RBMS3: variants seen among roughly 807,000 people sequenced by gnomAD.
RBMS3 encodes the protein RNA binding motif single stranded interacting protein 3.
Under a neutral mutation model 66.8 loss-of-function variants are expected in RBMS3, and 27 were observed. The ratio of observed to expected loss-of-function variants is 0.40; its 90% CI spans 0.30 to 0.56. The LOEUF is 0.56. Among genes scored for constraint, RBMS3 ranks in the 20% least tolerant of loss-of-function variants. The probability of loss-of-function intolerance (pLI) is 0.40; values close to 1 mark genes in which losing one functional copy is unlikely to be tolerated. For synonymous variants in RBMS3, 188 were observed against 183.0 expected (o/e 1.03, Z -0.22); for missense variants, 513 against 549.5 (o/e 0.93, Z 0.66).
At chr3:29,622,632 G>T (rs2048907133) in intron 4 of RBMS3, among the ~76,000 whole-genome samples, 2 of 152,142 alleles carry the variant, frequency 1.3e-5, no homozygotes, top group South Asian at 4.1e-4. Context: ...TCTAGGAGAG[G>T]ACCTGAATCT....
chr3:29,884,469 T>TCTCC (rs1553692501), intron 8 of RBMS3, among the ~76,000 whole-genome samples: 28 of 66,334 alleles, frequency 4.2e-4, no homozygotes, highest in South Asian at 2.9e-3. Context: ...TCTCTCTCTC[T>TCTCC]CCCCCCCCGC....
At chr3:29,290,149 T>C (rs1471953835) in intron 1 of RBMS3, among the ~76,000 whole-genome samples, 1 of 151,900 alleles carries the variant, frequency 6.6e-6, no homozygotes, top group African/African-American at 2.4e-5. Flanking sequence ...AATTCTCATG[T>C]TGCTTCTTTT....
At position 29,875,239 on chromosome 3, in the gene RBMS3, G is replaced by C. The variant is rs189463838; in HGVS notation, c.744+6275G>C. On this transcript the variant is annotated intron_variant, in intron 7 of 14. Transcript: ENST00000383767. ...TACCCCCACTAATGTTTAAGCAACA[G>C]TTTACAACCTCCAGGTAACATCAAA... 1.4e-4 allele frequency among the ~76,000 whole-genome samples: 21 copies of C among 152,238 alleles called. 1 individual carries two copies. The highest frequency in any genetic ancestry group is 1.4e-3 in the Admixed American group (21 of 15,286).
chr3:29,286,818 CA>C (rs1014812322), intron 1 of RBMS3, among the ~76,000 whole-genome samples: 5 of 151,980 alleles, frequency 3.3e-5, no homozygotes, highest in Non-Finnish European at 7.4e-5. Context: ...ATTCTAAAAT[CA>C]AACCAAAACA....
intron 6 of RBMS3, among the ~76,000 whole-genome samples, chr3:29,847,774 G>A (rs2058822121): frequency 6.6e-6 from 1 of 152,018 alleles, no homozygotes; most frequent in African/African-American, 2.4e-5. Context: ...TCCTGCCTCA[G>A]CCTCCCAAGT....
At chr3:29,671,046 C>T (rs545804374) in intron 4 of RBMS3, among the ~76,000 whole-genome samples, 91 of 152,244 alleles carry the variant, frequency 6.0e-4, no homozygotes, top group Non-Finnish European at 9.4e-4. Context: ...CCCTCTGAGA[C>T]GAAGCTTCCA....
At chr3:29,623,433 A>G (rs961474832) in intron 4 of RBMS3, among the ~76,000 whole-genome samples, 1 of 151,754 alleles carries the variant, frequency 6.6e-6, no homozygotes, top group Non-Finnish European at 1.5e-5. Context: ...TCTACTAAAA[A>G]TACAAAAAAT....
intron 6 of RBMS3, among the ~76,000 whole-genome samples, chr3:29,862,765 A>G (rs1241491965): frequency 6.6e-6 from 1 of 151,364 alleles, no homozygotes; most frequent in African/African-American, 2.4e-5. Flanking sequence ...AATCACTTGA[A>G]CCCAGGAGGC....
chr3:29,511,999 A>T (rs774770402), intron 3 of RBMS3, among the ~76,000 whole-genome samples: 2 of 152,094 alleles, frequency 1.3e-5, no homozygotes, highest in Admixed American at 1.3e-4. Flanking sequence ...TTAAAATCTT[A>T]TGTTATGGTA....
At chr3:29,472,293 G>C (rs569628273) in intron 2 of RBMS3, among the ~76,000 whole-genome samples, 181 of 151,770 alleles carry the variant, frequency 1.2e-3, no homozygotes, top group African/African-American at 4.3e-3. Context: ...CACTTCCCCG[G>C]TTCAAGCGAT....
At chr3:29,459,417 A>T (rs2042299385) in intron 2 of RBMS3, among the ~76,000 whole-genome samples, 1 of 152,164 alleles carries the variant, frequency 6.6e-6, no homozygotes, top group Non-Finnish European at 1.5e-5. Flanking sequence ...TCATAAGCAT[A>T]TAACAATCAT....
At chr3:29,480,234 C>G (rs2043083964) in intron 2 of RBMS3, among the ~76,000 whole-genome samples, 1 of 152,180 alleles carries the variant, frequency 6.6e-6, no homozygotes, top group African/African-American at 2.4e-5. Flanking sequence ...GTCCTGGGAT[C>G]AGCTCATGCC....
chr3:29,323,844 T>G (rs1408453539), intron 1 of RBMS3, among the ~76,000 whole-genome samples: 1 of 152,110 alleles, frequency 6.6e-6, no homozygotes, highest in African/African-American at 2.4e-5. Flanking sequence ...ACGCAATTTT[T>G]GGCATGAACT....
intron 1 of RBMS3, among the ~76,000 whole-genome samples, chr3:29,348,019 G>T (rs1180285460): frequency 6.6e-6 from 1 of 151,930 alleles, no homozygotes; most frequent in Non-Finnish European, 1.5e-5. Flanking sequence ...CTGAGTGTAG[G>T]GTCTCTTTAT....
At chr3:29,549,709 C>A (rs1279660652) in intron 3 of RBMS3, among the ~76,000 whole-genome samples, 1 of 151,780 alleles carries the variant, frequency 6.6e-6, no homozygotes, top group Non-Finnish European at 1.5e-5. Flanking sequence ...TTTTTAAAAA[C>A]ATTAACCAGA....
chr3:29,626,040 CAG>C (rs1390113131), intron 4 of RBMS3, among the ~76,000 whole-genome samples: 1 of 152,112 alleles, frequency 6.6e-6, no homozygotes, highest in Admixed American at 6.5e-5. Flanking sequence ...AAAAATATAA[CAG>C]TGTGTATGTG....
chr3:29,639,593 C>CAGAGAGAGAGAGAGAGAGAGAGAG (rs60712857), intron 4 of RBMS3, among the ~76,000 whole-genome samples: 34 of 143,164 alleles, frequency 2.4e-4, no homozygotes, highest in South Asian at 9.0e-4. Flanking sequence ...AGAAGATAGA[C>CAGAGAGAGAGAGAGAGAGAGAGAG]AGAGAGAGAG....
intron 3 of RBMS3, among the ~76,000 whole-genome samples, chr3:29,560,551 A>G (rs2046513778): frequency 6.6e-6 from 1 of 152,176 alleles, no homozygotes; most frequent in South Asian, 2.1e-4. Flanking sequence ...ATTCACTGTT[A>G]TTTTCACGTA....
At chr3:29,692,895 T>A (rs1030996) in intron 4 of RBMS3, among the ~76,000 whole-genome samples, 87,960 of 151,998 alleles carry the variant, frequency 0.58, 25,622 homozygotes, top group African/African-American at 0.63. Flanking sequence ...TATATTTGCT[T>A]TAAAAATGTA....
Sources: allele counts gnomAD v4.1 joint callset (sites outside exome capture counted in the v4.1 genomes callset), GRCh38; gene constraint gnomAD v4.1.1; transcripts MANE v1.5; gene names NCBI Gene and HGNC (gene_info 2026-07-23, HGNC 2026-07-21).